RIMKLB: variants seen among roughly 807,000 people sequenced by gnomAD.
RIMKLB encodes ribosomal modification protein rimK like family member B, also known as beta-citrylglutamate synthase B.
In RIMKLB, 7 loss-of-function variants were observed where a neutral mutation model predicts 32.0. The ratio of observed to expected loss-of-function variants is 0.22; its 90% CI spans 0.12 to 0.41. The LOEUF (loss-of-function observed/expected upper bound fraction) is 0.41. Ranked by LOEUF, RIMKLB falls within the 10% of genes least tolerant of loss-of-function variation. The pLI is 1.00. For synonymous variants in RIMKLB, 172 were observed against 185.1 expected, an observed-to-expected ratio of 0.93 and a Z score of 0.57; for missense variants, 289 against 498.7, an observed-to-expected ratio of 0.58 and a Z score of 4.00.
At chr12:8,684,314 A>G (rs965571438) in intron 1 of RIMKLB, among the ~76,000 whole-genome samples, 1 of 151,762 alleles carries the variant, frequency 6.6e-6, no homozygotes. Context: ...CTGTGACTAC[A>G]GGCACACGCC....
At chr12:8,755,112 C>T (rs1165878727) in intron 5 of RIMKLB, among the ~76,000 whole-genome samples, 4 of 152,126 alleles carry the variant, frequency 2.6e-5, no homozygotes, top group Admixed American at 6.6e-5. Context: ...CTACCATGCC[C>T]AGCTAATTTT....
chr12:8,697,470 A>C (rs12304853), upstream of RIMKLB: 7,252 of 152,670 alleles, frequency 0.048, 544 homozygotes, highest in African/African-American at 0.16. Flanking sequence ...CCGAGGGGGT[A>C]GGGGGCTCGT....
At chr12:8,691,764 A>C (rs1010164982) in intron 1 of RIMKLB, among the ~76,000 whole-genome samples, 4 of 152,204 alleles carry the variant, frequency 2.6e-5, no homozygotes, top group African/African-American at 9.7e-5. Context: ...TTCATTGTAC[A>C]AAAAACAGCA....
chr12:8,725,756 C>G (rs1412511946), intron 2 of RIMKLB, among the ~76,000 whole-genome samples: 2 of 152,174 alleles, frequency 1.3e-5, no homozygotes, highest in African/African-American at 2.4e-5. Flanking sequence ...TGGTACACAC[C>G]AAGTAGCACA....
At chr12:8,711,999 A>G (rs1944417417) in intron 1 of RIMKLB, among the ~76,000 whole-genome samples, 1 of 152,226 alleles carries the variant, frequency 6.6e-6, no homozygotes. Flanking sequence ...TACTGTGGTT[A>G]AAATGGAAAT....
chr12:8,711,762 T>C (rs1944400019), intron 1 of RIMKLB, among the ~76,000 whole-genome samples: 1 of 152,074 alleles, frequency 6.6e-6, no homozygotes, highest in Non-Finnish European at 1.5e-5. Flanking sequence ...ACTTTTTCTT[T>C]TGTGGAGCTT....
At chr12:8,694,254 T>G (rs989356915), upstream of RIMKLB, among the ~76,000 whole-genome samples, 5 of 151,714 alleles carry the variant, frequency 3.3e-5, no homozygotes, top group African/African-American at 9.7e-5. Flanking sequence ...CAAAAAACAA[T>G]AAAAATAGAG....
intron 2 of RIMKLB, among the ~76,000 whole-genome samples, chr12:8,732,773 ACACACACACT>A (rs747887288): frequency 7.4e-4 from 113 of 152,136 alleles, no homozygotes; most frequent in African/African-American, 2.1e-3. Context: ...ACACACACAC[ACACACACACT>A]CTCTTTAATT....
chr12:8,702,671 A>G (rs1343121725), intron 1 of RIMKLB, among the ~76,000 whole-genome samples: 1 of 152,204 alleles, frequency 6.6e-6, no homozygotes, highest in Non-Finnish European at 1.5e-5. Context: ...GCATTTTGAA[A>G]AGTCAGGCAG....
At chr12:8,736,259 G>A (rs891383228) in intron 2 of RIMKLB, among the ~76,000 whole-genome samples, 4 of 152,076 alleles carry the variant, frequency 2.6e-5, no homozygotes, top group African/African-American at 9.7e-5. Context: ...TAGGGAGGCT[G>A]GGTAATTTCT....
chr12:8,752,530 C>T lies in RIMKLB; in HGVS notation c.493+487C>T, dbSNP rs146270173. Among the ~76,000 whole-genome samples the T allele has an allele frequency of 4.5e-4, 68 of 152,128 alleles. 2 individuals carry two copies. The highest frequency in any genetic ancestry group is 1.6e-3 in the African/African-American group (65 of 41,522). On this transcript the variant is annotated intron_variant, in intron 4 of 5. Transcript: ENST00000535829. ...TCACACCACTGCACTCCAACCTGGT[C>T]GATAGAGCCAGACTGTGTCTAAAAA...
intron 4 of RIMKLB, among the ~76,000 whole-genome samples, chr12:8,752,685 A>AGGT (rs1948712496): frequency 6.6e-6 from 1 of 152,152 alleles, no homozygotes; most frequent in Non-Finnish European, 1.5e-5. Flanking sequence ...AAAATATCTT[A>AGGT]ATGACTTTGA....
At chr12:8,770,988 A>T (rs758154148) in intron 5 of RIMKLB, among the ~76,000 whole-genome samples, 1 of 152,330 alleles carries the variant, frequency 6.6e-6, no homozygotes, top group South Asian at 2.1e-4. Context: ...CAAAGGATAC[A>T]GGTGAAGAGA....
chr12:8,691,839 T>C (rs1454334236), intron 1 of RIMKLB, among the ~76,000 whole-genome samples: 1 of 152,200 alleles, frequency 6.6e-6, no homozygotes, highest in Non-Finnish European at 1.5e-5. Flanking sequence ...CATTCATTCA[T>C]TTAATCTGTA....
rs772745031 is a variant in RIMKLB at position 8,773,717 on chromosome 12, A to G, written c.1094A>G (p.Lys365Arg). 4 of 1,614,256 alleles carry G rather than the reference A, an allele frequency of 2.5e-6. No homozygotes were observed. The highest frequency in any genetic ancestry group is 8.5e-7 in the Non-Finnish European group (1 of 1,180,040). Residue 365 changes from lysine to arginine, a missense_variant, in exon 6 of 6, where the codon AAG becomes AGG. By Grantham distance (26) the Lys-to-Arg change is conservative (BLOSUM62 2). Coordinates refer to ENST00000535829, the MANE Select transcript of RIMKLB (RefSeq NM_001297776.2). ...PESTERELLT[K>R]LPGGLFNMNQ... Reference sequence around the variant, plus strand: ...AGCACGGAGCGAGAGCTGCTCACCAAGCTCCCAGGGGGCCTGTTCAACATG... The same window carrying G: ...AGCACGGAGCGAGAGCTGCTCACCAGGCTCCCAGGGGGCCTGTTCAACATG...
chr12:8,714,010 G>A lies in RIMKLB; in HGVS notation c.144G>A (p.Glu48=), dbSNP rs1944586894. The change falls in exon 2 of 6, where the codon GAG becomes GAA. Residue 48 remains glutamate (E), a synonymous_variant. Coordinates refer to ENST00000535829, the MANE Select transcript of RIMKLB (RefSeq NM_001297776.2). ...ACTTTAGGGCTGTGGTGATGGATGA[G>A]GTGGTGCTGACAATCGAGCAAGGAA... ...ELDFRAVVMD[E]VVLTIEQGNL... 6.2e-7 allele frequency: 1 copy of A among 1,614,078 alleles called. No individual in the cohort carries two copies.
chr12:8,674,539 C>CT, the RIMKLB span, among the ~76,000 whole-genome samples: 7 of 149,848 alleles, frequency 4.7e-5, no homozygotes, highest in African/African-American at 7.4e-5. Flanking sequence ...GCGCCCAGCC[C>CT]TTTTTTTTTC....
chr12:8,714,127 A>C (rs1944601313), intron 2 of RIMKLB, 86 bp downstream of exon 2: 2 of 1,114,178 alleles, frequency 1.8e-6, no homozygotes, highest in Admixed American at 2.2e-5. Flanking sequence ...GGACAGAGGA[A>C]TTCTTAGCCT....
intron 2 of RIMKLB, among the ~76,000 whole-genome samples, chr12:8,748,498 C>CACAG (rs1263722072): frequency 3.3e-5 from 5 of 149,714 alleles, no homozygotes; most frequent in Non-Finnish European, 7.4e-5. Context: ...AAACGTCCCC[C>CACAG]ACAGACAAGG....
Sources: gnomAD v4.1 joint callset for allele counts (sites outside exome capture counted in the v4.1 genomes callset) on GRCh38, gnomAD v4.1.1 for gene constraint, MANE v1.5 for transcripts, NCBI Gene and HGNC (gene_info 2026-07-23, HGNC 2026-07-21) for gene names.